The following NOL4 variants were observed in gnomAD, a reference collection of about 807,000 sequenced individuals.
The protein encoded by NOL4 is nucleolar protein 4.
NOL4 carries 17 observed loss-of-function variants against 75.9 expected under a neutral mutation model. The ratio of observed to expected loss-of-function variants is 0.22; its 90% CI spans 0.15 to 0.34. The LOEUF is 0.34. Among genes scored for constraint, NOL4 ranks in the 10% least tolerant of loss-of-function variants. The probability of loss-of-function intolerance (pLI) is 1.00; values close to 1 mark genes in which losing one functional copy is unlikely to be tolerated. For synonymous variants in NOL4, 292 were observed against 289.9 expected (o/e 1.01, Z -0.07); for missense variants, 614 against 793.5 (o/e 0.77, Z 2.72).
intron 1 of NOL4, among the ~76,000 whole-genome samples, chr18:34,198,119 G>C (rs1193218785): frequency 2.6e-5 from 4 of 151,866 alleles, no homozygotes; most frequent in Non-Finnish European, 5.9e-5. Flanking sequence ...AGCAACTAGA[G>C]AATAAAAATA....
At chr18:34,084,904 T>C (rs918120460) in intron 5 of NOL4, among the ~76,000 whole-genome samples, 1 of 152,218 alleles carries the variant, frequency 6.6e-6, no homozygotes, top group African/African-American at 2.4e-5. Context: ...GCCTAAAGGC[T>C]AAAGCTGTTT....
chr18:34,222,265 G>C, intron 1 of NOL4: 1 of 1,372,240 alleles, frequency 7.3e-7, no homozygotes. Context: ...CCATTCGATA[G>C]CGCCTAAACC....
intron 9 of NOL4, among the ~76,000 whole-genome samples, chr18:33,942,716 C>T (rs1310140215): frequency 1.3e-5 from 2 of 151,732 alleles, no homozygotes; most frequent in Non-Finnish European, 2.9e-5. Context: ...TCGAAATGAA[C>T]ATGATCAGGT....
Position 34,224,230 on chromosome 18 carries a change from T to C in NOL4, c.-977A>G, listed in dbSNP as rs149543751. The stretch of plus-strand genomic sequence containing the variant: ...CCTCTGGTTTCTGCTGAACAAGACA[T>C]AGAAGTAAGTTTAGGATACAGATGC... On this transcript the variant is annotated 5_prime_UTR_variant, in exon 1 of 11. An upstream start codon of the reference 5' UTR is lost. Transcript: ENST00000261592. 9.2e-5 allele frequency: 14 copies of C among 152,342 alleles called. No individual in the cohort carries two copies. In the East Asian group the frequency reaches 1.2e-3, roughly 13 times the overall value. The allele number at this position is 152,342 out of a possible 1,614,324, so 9.4% of individuals were successfully genotyped here.
chr18:34,155,556 G>A (rs555067359), intron 1 of NOL4, among the ~76,000 whole-genome samples: 11 of 152,070 alleles, frequency 7.2e-5, no homozygotes, highest in African/African-American at 2.6e-4. Flanking sequence ...TACACACCTA[G>A]GCTGCATGGT....
chr18:34,023,510 C>T, intron 5 of NOL4: 1 of 456,054 alleles, frequency 2.2e-6, no homozygotes, highest in South Asian at 1.5e-5. Flanking sequence ...TGGGTATGGC[C>T]TTCAGGTTCA....
chr18:33,958,365 G>T lies in NOL4; in HGVS notation c.1110C>A (p.Asp370Glu). ...SYDSGKNESV[D>E]RGAEDLSLNR... is the part of the protein sequence containing the mutation. ...TTAGTGAGAGGTCCTCAGCTCCTCG[G>T]TCTACACTCTCATTTTTGCCAGAGT... The change falls in exon 7 of 11, where the codon GAC (aspartate) becomes GAA (glutamate). Residue 370 changes from aspartate (D) to glutamate (E), a missense_variant. Around this residue, in one of 9 missense-constraint regions of NOL4, gnomAD observed 196 missense variants for 167.9 expected, o/e 1.17. Coordinates refer to ENST00000261592, the MANE Select transcript of NOL4 (RefSeq NM_003787.5). 4 of 1,547,022 alleles carry T rather than the reference G, an allele frequency of 2.6e-6. No homozygotes were observed. Among genetic ancestry groups the T allele is most frequent in the Non-Finnish European group, 3.5e-6 (4 of 1,144,332 alleles).
At chr18:33,853,084 G>A in intron 10 of NOL4, 49 bp from the exon 11 acceptor site, 2 of 1,490,404 alleles carry the variant, frequency 1.3e-6, no homozygotes, top group South Asian at 2.5e-5. Context: ...ATTTGTTCCA[G>A]CATCTTGGAT....
rs148010868 is a variant in NOL4 at position 34,155,878 on chromosome 18, T to C, written c.265-25858A>G. Among the ~76,000 whole-genome samples the C allele has an allele frequency of 2.0e-4, 30 of 152,300 alleles. No individual in the cohort carries two copies. In the East Asian group the frequency reaches 5.6e-3, roughly 28 times the overall value. Reference sequence around the variant, plus strand: ...ATTCTTGTCATGATTAAAAACTTCATATCCATTTTCTTTCTAATCACTGTA... The same window carrying C: ...ATTCTTGTCATGATTAAAAACTTCACATCCATTTTCTTTCTAATCACTGTA... On this transcript the variant is annotated intron_variant, in intron 1 of 10. Transcript: ENST00000261592.
intron 2 of NOL4, among the ~76,000 whole-genome samples, chr18:34,107,610 C>A (rs77571316): frequency 0.013 from 1,954 of 151,732 alleles, 46 homozygotes; most frequent in African/African-American, 0.045. Flanking sequence ...GAAGAAAGAT[C>A]CTCCAAGCAG....
At chr18:34,110,183 C>T (rs980592265) in intron 2 of NOL4, among the ~76,000 whole-genome samples, 51 of 139,992 alleles carry the variant, frequency 3.6e-4, no homozygotes, top group African/African-American at 1.2e-3. Flanking sequence ...GGAGGGAACA[C>T]TTCCAAGTTC....
intron 5 of NOL4, among the ~76,000 whole-genome samples, chr18:34,072,463 G>C (rs1347523713): frequency 6.6e-6 from 1 of 152,088 alleles, no homozygotes; most frequent in Admixed American, 6.5e-5. Flanking sequence ...CAAAAATGGA[G>C]AGAATTAAAG....
In NOL4 at chr18:34,063,574, G is replaced by A. The variant is rs2077150039; in HGVS notation, c.772+29891C>T. Among the ~76,000 whole-genome samples, 3 of 151,994 alleles carry A rather than the reference G, an allele frequency of 2.0e-5. No homozygotes were observed. In the South Asian group the frequency reaches 6.2e-4, roughly 31 times the overall value. Reference sequence around the variant, plus strand: ...TGAAGTACGTGAGGTTTTCGCTCTTGCACTTAAAATGTGTTATTGGACACA... The same window carrying A: ...TGAAGTACGTGAGGTTTTCGCTCTTACACTTAAAATGTGTTATTGGACACA... On this transcript the variant is annotated intron_variant, in intron 5 of 10. Transcript: ENST00000261592.
intron 5 of NOL4, among the ~76,000 whole-genome samples, chr18:34,086,822 T>C (rs1328671817): frequency 6.6e-6 from 1 of 152,076 alleles, no homozygotes; most frequent in African/African-American, 2.4e-5. Flanking sequence ...AAACAGACTG[T>C]AAAATTTCTT....
intron 1 of NOL4, chr18:34,221,960 G>A: frequency 7.0e-7 from 1 of 1,422,870 alleles, no homozygotes; most frequent in Non-Finnish European, 9.5e-7. Flanking sequence ...CCCAAAGCGA[G>A]GCAAAAATAC....
intron 5 of NOL4, among the ~76,000 whole-genome samples, chr18:34,075,086 C>A (rs936162442): frequency 2.0e-5 from 3 of 152,120 alleles, no homozygotes; most frequent in South Asian, 2.1e-4. Context: ...TGAAAAAATT[C>A]TTCGTACATT....
chr18:34,198,464 G>C (rs1217615690), intron 1 of NOL4, among the ~76,000 whole-genome samples: 4 of 151,526 alleles, frequency 2.6e-5, no homozygotes, highest in Non-Finnish European at 1.5e-5. Context: ...TTATTTTTCA[G>C]TGTGCTTTTA....
intron 9 of NOL4, 94 bp downstream of exon 9, chr18:33,942,971 C>A: frequency 1.2e-6 from 1 of 817,686 alleles, no homozygotes; most frequent in Admixed American, 2.1e-5. Flanking sequence ...TACTTTAAAT[C>A]CATTCAAGAG....
intron 9 of NOL4, among the ~76,000 whole-genome samples, chr18:33,939,396 C>T (rs933691608): frequency 2.6e-5 from 4 of 152,068 alleles, no homozygotes; most frequent in South Asian, 2.1e-4. Flanking sequence ...TTGATTCTTT[C>T]GATCCATGAG....
Sources: allele counts gnomAD v4.1 joint callset (sites outside exome capture counted in the v4.1 genomes callset), GRCh38; gene constraint gnomAD v4.1.1; regional missense constraint gnomAD v4.1.1; transcripts MANE v1.5; gene names NCBI Gene and HGNC (gene_info 2026-07-23, HGNC 2026-07-21).